Variants in ARHGEF38 observed in about 807,000 individuals in gnomAD.
ARHGEF38 encodes the protein Rho guanine nucleotide exchange factor (GEF) 38.
Under a neutral mutation model 79.9 loss-of-function variants are expected in ARHGEF38, and 79 were observed. The observed-to-expected ratio is 0.99, with a 90% CI of 0.82 to 1.19. ARHGEF38 has a LOEUF of 1.19. Among genes scored for constraint, ARHGEF38 ranks in the 50% most tolerant of loss-of-function variants. ARHGEF38 has a pLI of 0.00. For missense variants in ARHGEF38, 962 were observed against 907.2 expected (o/e 1.06, Z -0.78); for synonymous variants, 366 against 328.3 (o/e 1.11, Z -1.24).
chr4:105,599,038 T>A (rs1367257092), intron 2 of ARHGEF38, among the ~76,000 whole-genome samples: 1 of 152,186 alleles, frequency 6.6e-6, no homozygotes, highest in East Asian at 1.9e-4. Context: ...TTCTGTTTTG[T>A]CAACCTGGAA....
chr4:105,593,570 A>G (rs1727439028), intron 2 of ARHGEF38, among the ~76,000 whole-genome samples: 1 of 152,144 alleles, frequency 6.6e-6, no homozygotes, highest in African/African-American at 2.4e-5. Context: ...AGACAAAAAC[A>G]TCAAATATAC....
intron 3 of ARHGEF38, among the ~76,000 whole-genome samples, chr4:105,626,580 C>T (rs2110511271): frequency 6.6e-6 from 1 of 152,222 alleles, no homozygotes; most frequent in Non-Finnish European, 1.5e-5. Context: ...CTCTTAACTG[C>T]AATAACTTTC....
chr4:105,585,092 T>A (rs1726970475), intron 1 of ARHGEF38, among the ~76,000 whole-genome samples: 1 of 152,214 alleles, frequency 6.6e-6, no homozygotes, highest in Non-Finnish European at 1.5e-5. Flanking sequence ...TCTTGACAAG[T>A]TGGTAACCAC....
intron 1 of ARHGEF38, among the ~76,000 whole-genome samples, chr4:105,584,331 A>G (rs1726930491): frequency 6.6e-6 from 1 of 152,254 alleles, no homozygotes; most frequent in African/African-American, 2.4e-5. Flanking sequence ...AAATAATATT[A>G]CAATTAATAA....
chr4:105,652,126 T>C (rs949803177), intron 7 of ARHGEF38, among the ~76,000 whole-genome samples: 2 of 152,148 alleles, frequency 1.3e-5, no homozygotes, highest in Non-Finnish European at 2.9e-5. Context: ...CAACTTGAAA[T>C]AGAGGTGTGG....
intron 3 of ARHGEF38, 119 bp downstream of exon 3, chr4:105,613,626 TA>T: frequency 1.8e-6 from 2 of 1,107,032 alleles, no homozygotes; most frequent in Non-Finnish European, 2.5e-6. Context: ...ATATAAATGC[TA>T]AACCCATCTT....
chr4:105,561,464 A>AGAATAGAATGGAATG lies in ARHGEF38; in HGVS notation c.196+8512_196+8513insGGAATGGAATAGAAT, dbSNP rs1578253586. 2.8e-3 allele frequency: 125 copies of AGAATAGAATGGAATG among 44,592 alleles called. 14 individuals carry two copies. Among genetic ancestry groups the AGAATAGAATGGAATG allele is most frequent in the South Asian group, 0.01 (13 of 1,264 alleles). The allele number at this position is 44,592 out of a possible 1,614,324, so 2.8% of individuals were successfully genotyped here. A position where few individuals can be genotyped will look rare whatever the true frequency, so the allele number is the denominator to read the frequency against. On this transcript the variant is annotated intron_variant, in intron 1 of 13. Coordinates refer to ENST00000420470, the MANE Select transcript of ARHGEF38 (RefSeq NM_001242729.2). ...AGAATAGAATGGAATAGAATAGAAT[A>AGAATAGAATGGAATG]GAATAGAATAGAATAGAATAGAATA... is the stretch of plus-strand genomic sequence containing the variant.
intron 1 of ARHGEF38, among the ~76,000 whole-genome samples, chr4:105,563,916 C>T (rs1412540185): frequency 2.6e-5 from 4 of 152,150 alleles, no homozygotes; most frequent in Admixed American, 6.5e-5. Context: ...AAGGTCCATA[C>T]TTCACAGAAA....
At chr4:105,610,097 TAACA>T (rs1275769749) in intron 2 of ARHGEF38, among the ~76,000 whole-genome samples, 1 of 152,072 alleles carries the variant, frequency 6.6e-6, no homozygotes, top group Non-Finnish European at 1.5e-5. Context: ...CTCTGCAAAC[TAACA>T]AAGAAACAGA....
chr4:105,676,003 C>T (rs1731104699), intron 13 of ARHGEF38, among the ~76,000 whole-genome samples: 1 of 152,192 alleles, frequency 6.6e-6, no homozygotes, highest in Non-Finnish European at 1.5e-5. Context: ...GTGGTTCTTT[C>T]CTTGGGGAGC....
chr4:105,554,618 C>A (rs1725169438), intron 1 of ARHGEF38, among the ~76,000 whole-genome samples: 1 of 152,058 alleles, frequency 6.6e-6, no homozygotes, highest in Non-Finnish European at 1.5e-5. Flanking sequence ...AGTTTCTAAA[C>A]CTGGTTCTTC....
intron 1 of ARHGEF38, among the ~76,000 whole-genome samples, chr4:105,574,977 C>CAT (rs3055873): frequency 1.9e-4 from 27 of 141,830 alleles, no homozygotes; most frequent in South Asian, 4.7e-4. Context: ...ATATATATAG[C>CAT]ATATATATAT....
rs1560684182 is a variant in ARHGEF38, at chr4:105,561,409, A to AGAATGGAATG, written c.196+8452_196+8453insGGAATGGAAT. On this transcript the variant is annotated intron_variant, in intron 1 of 13. Transcript: ENST00000420470. ...CAAAAATAGAGTAGAATAATAGAAT[A>AGAATGGAATG]GAATAGAATAGAATGGAATAGAATA... Among the ~76,000 whole-genome samples the AGAATGGAATG allele has an allele frequency of 9.8e-4, 50 of 51,250 alleles. 4 individuals are homozygous for AGAATGGAATG. Among genetic ancestry groups the AGAATGGAATG allele is most frequent in the African/African-American group, 4.2e-3 (49 of 11,626 alleles). 33.6% of individuals were successfully genotyped at this position (51,250 alleles called of 152,430 possible).
At position 105,678,930 on chromosome 4, in the gene ARHGEF38, G is replaced by T; in HGVS notation, c.*993G>T. On this transcript the variant is annotated 3_prime_UTR_variant, in exon 14 of 14. Coordinates refer to ENST00000420470, the MANE Select transcript of ARHGEF38 (RefSeq NM_001242729.2). ...GTGAAATACTTTTTTAAAAAAATACGATCAACTTCTTTGCAAATAGTAGAC... is the reference window on the plus strand; with the variant it reads ...GTGAAATACTTTTTTAAAAAAATACTATCAACTTCTTTGCAAATAGTAGAC... 1 of 173,364 alleles carries T rather than the reference G, an allele frequency of 5.8e-6. No individual in the cohort carries two copies. The highest frequency in any genetic ancestry group is 1.2e-5 in the Non-Finnish European group (1 of 81,472). 10.7% of individuals were successfully genotyped at this position (173,364 alleles called of 1,614,324 possible). A position where few individuals can be genotyped will look rare whatever the true frequency, so the allele number is the denominator to read the frequency against.
intron 3 of ARHGEF38, among the ~76,000 whole-genome samples, chr4:105,618,647 A>G (rs1310461839): frequency 6.6e-6 from 1 of 152,162 alleles, no homozygotes; most frequent in East Asian, 1.9e-4. Flanking sequence ...AAGAAAATAG[A>G]AAATCAAATT....
At chr4:105,655,520 G>A in intron 8 of ARHGEF38, 83 bp from the exon 9 acceptor site, 1 of 1,375,634 alleles carries the variant, frequency 7.3e-7, no homozygotes, top group East Asian at 2.5e-5. Context: ...TAAGGGTTAT[G>A]CTGATGAAGT....
chr4:105,604,812 C>T lies in ARHGEF38; in HGVS notation c.385-8572C>T, dbSNP rs115941934. Among the ~76,000 whole-genome samples, 969 of 152,158 alleles carry T rather than the reference C, an allele frequency of 6.4e-3. 9 individuals are homozygous for T. Among genetic ancestry groups the T allele is most frequent in the African/African-American group, 0.022 (929 of 41,516 alleles). Reference sequence around the variant, plus strand: ...AGTGATCAAAGCAAAAAATGTTTACCCCATTCATCATGCCCAGCCACAAGC... The same window carrying T: ...AGTGATCAAAGCAAAAAATGTTTACTCCATTCATCATGCCCAGCCACAAGC... On this transcript the variant is annotated intron_variant, in intron 2 of 13. Transcript: ENST00000420470.
intron 3 of ARHGEF38, among the ~76,000 whole-genome samples, chr4:105,622,653 C>T (rs1030144865): frequency 6.6e-6 from 1 of 152,222 alleles, no homozygotes; most frequent in African/African-American, 2.4e-5. Context: ...ACTAGTGCAA[C>T]TGCTTGCTGC....
chr4:105,631,490 G>A (rs1729192236), intron 4 of ARHGEF38: 3 of 985,658 alleles, frequency 3.0e-6, no homozygotes, highest in Non-Finnish European at 3.6e-6. Flanking sequence ...TGGGGAGATG[G>A]GTGAAGACAA....
Sources: allele counts gnomAD v4.1 joint callset (sites outside exome capture counted in the v4.1 genomes callset), GRCh38; gene constraint gnomAD v4.1.1; transcripts MANE v1.5; gene names NCBI Gene and HGNC (gene_info 2026-07-23, HGNC 2026-07-21).